SYT1: variants seen among roughly 807,000 people sequenced by gnomAD.
SYT1 encodes synaptotagmin 1, also known as synaptotagmin-1.
A neutral mutation model predicts 44.8 loss-of-function variants in SYT1; 8 were observed. That is an observed-to-expected ratio of 0.18 (90% CI 0.10 to 0.32). The LOEUF is 0.32. Ranked by LOEUF, SYT1 falls within the 10% of genes least tolerant of loss-of-function variation. The pLI is 1.00. For missense variants in SYT1, 286 were observed against 509.3 expected, an observed-to-expected ratio of 0.56 and a Z score of 4.22; for synonymous variants, 154 against 188.8, an observed-to-expected ratio of 0.82 and a Z score of 1.51.
intron 2 of SYT1, among the ~76,000 whole-genome samples, chr12:79,002,849 T>A (rs1265639488): frequency 1.3e-5 from 2 of 152,072 alleles, no homozygotes; most frequent in East Asian, 3.9e-4. Flanking sequence ...TTTAAAGTTT[T>A]AAAAATATGT....
At chr12:79,279,711 A>G (rs1878937724) in intron 4 of SYT1, among the ~76,000 whole-genome samples, 1 of 152,148 alleles carries the variant, frequency 6.6e-6, no homozygotes, top group African/African-American at 2.4e-5. Context: ...GAGGATGTCA[A>G]ACTGTCTCTG....
At chr12:79,386,262 T>G (rs980966965) in intron 9 of SYT1, among the ~76,000 whole-genome samples, 3 of 152,094 alleles carry the variant, frequency 2.0e-5, no homozygotes, top group African/African-American at 7.2e-5. Context: ...TTCACAATTA[T>G]AAGATTCCTT....
At chr12:78,966,452 C>T (rs112203146) in intron 1 of SYT1, among the ~76,000 whole-genome samples, 4 of 152,142 alleles carry the variant, frequency 2.6e-5, no homozygotes, top group Non-Finnish European at 4.4e-5. Flanking sequence ...TTTAGACAGA[C>T]AATTCCAAGT....
chr12:78,979,010 A>G (rs1445339746), intron 2 of SYT1, among the ~76,000 whole-genome samples: 5 of 152,186 alleles, frequency 3.3e-5, no homozygotes, highest in Admixed American at 2.6e-4. Context: ...ACTTTCTCCT[A>G]TCTCTTGCAG....
intron 3 of SYT1, among the ~76,000 whole-genome samples, chr12:79,139,036 C>T (rs1869384143): frequency 6.6e-6 from 1 of 152,196 alleles, no homozygotes; most frequent in Admixed American, 6.5e-5. Flanking sequence ...GCCTCAGCCT[C>T]CAGTGTGGCT....
rs1565894681 is a variant in SYT1 at position 79,293,400 on chromosome 12, TAAAATA to T, written c.474+1274_474+1279del. On this transcript the variant is annotated intron_variant, in intron 6 of 10. Transcript: ENST00000261205. ...TAAAATAAAATAAAATAAAATAAAA[TAAAATA>T]AAATTAAAAAATCTGTAAGACATAG... 2.9e-3 allele frequency among the ~76,000 whole-genome samples: 156 copies of T among 53,874 alleles called. 5 individuals carry two copies. The East Asian group carries it at 0.077, about 27-fold the overall frequency. 35.3% of individuals were successfully genotyped at this position (53,874 alleles called of 152,430 possible). A position where few individuals can be genotyped will look rare whatever the true frequency, so the allele number is the denominator to read the frequency against.
intron 2 of SYT1, among the ~76,000 whole-genome samples, chr12:79,011,881 C>T (rs2137574633): frequency 6.6e-6 from 1 of 152,118 alleles, no homozygotes. Context: ...CCTGTAATCC[C>T]AGCACTTTGC....
intron 1 of SYT1, among the ~76,000 whole-genome samples, chr12:78,955,982 G>A (rs1045039602): frequency 1.3e-5 from 2 of 151,942 alleles, no homozygotes; most frequent in African/African-American, 4.8e-5. Flanking sequence ...TGATCTGTGT[G>A]GAATGGGGTG....
intron 1 of SYT1, among the ~76,000 whole-genome samples, chr12:78,919,370 A>T (rs1876851387): frequency 6.6e-6 from 1 of 152,074 alleles, no homozygotes; most frequent in African/African-American, 2.4e-5. Flanking sequence ...ATACCAGGTG[A>T]GACCAGGGAG....
chr12:79,192,780 T>C (rs1218729287), intron 3 of SYT1, among the ~76,000 whole-genome samples: 3 of 152,190 alleles, frequency 2.0e-5, no homozygotes, highest in African/African-American at 7.2e-5. Context: ...GTATGAGAGT[T>C]GAGTAATATG....
chr12:79,010,640 C>G (rs376117959), intron 2 of SYT1, among the ~76,000 whole-genome samples: 1 of 152,284 alleles, frequency 6.6e-6, no homozygotes, highest in African/African-American at 2.4e-5. Flanking sequence ...CTCCAAAACA[C>G]CCAGATCTTC....
intron 2 of SYT1, among the ~76,000 whole-genome samples, chr12:79,045,340 C>A (rs547913787): frequency 1.4e-5 from 2 of 144,580 alleles, no homozygotes; most frequent in South Asian, 2.1e-4. Flanking sequence ...ATTTTTTAAG[C>A]CGGTCGGAAA....
At chr12:79,017,131 C>T (rs1871859885) in intron 2 of SYT1, among the ~76,000 whole-genome samples, 1 of 152,130 alleles carries the variant, frequency 6.6e-6, no homozygotes, top group East Asian at 1.9e-4. Context: ...AACCTCAAGT[C>T]AGCTACCTGA....
At chr12:79,223,556 C>A (rs2138586331) in intron 4 of SYT1, among the ~76,000 whole-genome samples, 1 of 152,258 alleles carries the variant, frequency 6.6e-6, no homozygotes, top group East Asian at 1.9e-4. Flanking sequence ...AATCTCAGGG[C>A]AACTGTGGCC....
intron 1 of SYT1, among the ~76,000 whole-genome samples, chr12:78,929,438 A>AAAAAAAAAAAAAAAAAAAAAAC (rs1877506205): frequency 6.9e-6 from 1 of 145,386 alleles, no homozygotes; most frequent in Non-Finnish European, 1.5e-5. Context: ...AAAAAAAAAA[A>AAAAAAAAAAAAAAAAAAAAAAC]AAAAAAAAGG....
chr12:79,170,403 A>G (rs1274932754), intron 3 of SYT1, among the ~76,000 whole-genome samples: 1 of 152,086 alleles, frequency 6.6e-6, no homozygotes, highest in Non-Finnish European at 1.5e-5. Flanking sequence ...AACTGGTGTT[A>G]GGTAGTATCT....
chr12:79,298,286 GA>G (rs1879970767), intron 7 of SYT1, among the ~76,000 whole-genome samples: 2 of 152,100 alleles, frequency 1.3e-5, no homozygotes, highest in South Asian at 4.1e-4. Context: ...TTCTAAAATG[GA>G]AAAAGGATGA....
chr12:79,102,590 C>T (rs1392654086), intron 3 of SYT1, among the ~76,000 whole-genome samples: 1 of 152,202 alleles, frequency 6.6e-6, no homozygotes, highest in Non-Finnish European at 1.5e-5. Context: ...AGCACCAGGA[C>T]AGCACACATC....
chr12:79,406,728 G>A lies in SYT1; in HGVS notation c.929-37345G>A, dbSNP rs112668314. ...CTACTTGATAGTGGTGTAATCTTGG[G>A]GAAGTGCTTAAATTCTCTGTATTTT... On this transcript the variant is annotated intron_variant, in intron 9 of 10. Coordinates refer to ENST00000261205, the MANE Select transcript of SYT1 (RefSeq NM_005639.3). Among the ~76,000 whole-genome samples the A allele has an allele frequency of 8.2e-3, 1,241 of 152,130 alleles. 8 individuals carry two copies. The highest frequency in any genetic ancestry group is 0.024 in the Middle Eastern group (7 of 294).
Sources: gnomAD v4.1 joint callset for allele counts (sites outside exome capture counted in the v4.1 genomes callset) on GRCh38, gnomAD v4.1.1 for gene constraint, MANE v1.5 for transcripts, NCBI Gene and HGNC (gene_info 2026-07-23, HGNC 2026-07-21) for gene names.